The following MEF2C variants were observed in gnomAD, a reference collection of about 807,000 sequenced individuals.
MEF2C encodes myocyte enhancer factor 2C.
In MEF2C, 6 loss-of-function variants were observed where a neutral mutation model predicts 50.5. The ratio of observed to expected loss-of-function variants is 0.12; its 90% confidence interval spans 0.07 to 0.23. The LOEUF (loss-of-function observed/expected upper bound fraction) is 0.23. MEF2C is among the 10% of genes least tolerant of loss of function. The probability of loss-of-function intolerance (pLI) is 1.00; values close to 1 mark genes in which losing one functional copy is unlikely to be tolerated. For missense variants in MEF2C, 276 were observed against 605.0 expected, an observed-to-expected ratio of 0.46 and a Z score of 5.70; for synonymous variants, 183 against 228.0, an observed-to-expected ratio of 0.80 and a Z score of 1.78.
At position 88,722,710 on chromosome 5, in the gene MEF2C, T is replaced by G. The variant is rs1237249484; in HGVS notation, c.1316A>C (p.His439Pro). ...SSYDGSDRED[H>P]RNEFHSPIGL... ...AATGGGGGAGTGGAATTCGTTCCGG[T>G]GATCCTCTCGGTCGCTCCCGTCGTA... is the stretch of plus-strand genomic sequence containing the variant. Residue 439 changes from histidine (H) to proline (P), a missense_variant, in exon 11 of 11, where the codon CAC (histidine) becomes CCC (proline). By Grantham distance (77) the His-to-Pro change is moderately conservative (BLOSUM62 -2). Around this residue, in one of 2 missense-constraint regions of MEF2C, gnomAD observed 256 missense variants for 468.1 expected, o/e 0.55. Coordinates refer to ENST00000504921, the MANE Select transcript of MEF2C (RefSeq NM_002397.5). 3.1e-6 allele frequency: 5 copies of G among 1,613,936 alleles called. No homozygotes were observed. In the South Asian group the frequency reaches 5.5e-5, roughly 18 times the overall value.
intron 1 of MEF2C, among the ~76,000 whole-genome samples, chr5:88,858,762 T>A (rs1824411268): frequency 6.6e-6 from 1 of 152,234 alleles, no homozygotes; most frequent in Non-Finnish European, 1.5e-5. Flanking sequence ...TGATGCTTAT[T>A]ATACATCTGC....
intron 2 of MEF2C, among the ~76,000 whole-genome samples, chr5:88,805,763 C>G (rs928959018): frequency 6.7e-6 from 1 of 150,218 alleles, no homozygotes; most frequent in African/African-American, 2.5e-5. Context: ...AATTTCAACT[C>G]TCTTTTAATT....
intron 1 of MEF2C, chr5:88,825,490 T>C (rs1051653015): frequency 8.1e-5 from 80 of 983,936 alleles, no homozygotes; most frequent in Middle Eastern, 5.2e-4. Flanking sequence ...GCTGTAATTT[T>C]AAATGTTGGA....
intron 6 of MEF2C, chr5:88,736,104 G>A: frequency 1.0e-6 from 1 of 985,290 alleles, no homozygotes; most frequent in South Asian, 4.7e-5. Flanking sequence ...CATATCCAAT[G>A]AGATACCAAA....
At chr5:88,738,135 T>C (rs926428552) in intron 6 of MEF2C, 1 of 985,242 alleles carries the variant, frequency 1.0e-6, no homozygotes, top group African/African-American at 1.7e-5. Flanking sequence ...AATGTTTCTG[T>C]TAAGAGTTCT....
upstream of MEF2C, among the ~76,000 whole-genome samples, chr5:88,886,989 A>G (rs1458655086): frequency 6.6e-6 from 1 of 152,228 alleles, no homozygotes; most frequent in Non-Finnish European, 1.5e-5. Context: ...CGCTGGGTGT[A>G]GCTCTTGAAG....
At chr5:88,763,516 TTC>T (rs988310274) in intron 3 of MEF2C, among the ~76,000 whole-genome samples, 9 of 152,218 alleles carry the variant, frequency 5.9e-5, no homozygotes, top group African/African-American at 1.9e-4. Context: ...TAAGAATACT[TTC>T]TGATTGTTTT....
chr5:88,782,121 A>G (rs1326308587), intron 3 of MEF2C: 15 of 970,214 alleles, frequency 1.5e-5, no homozygotes, highest in African/African-American at 5.3e-5. Context: ...TTCTAAATTT[A>G]TAAGATTTTG....
intron 1 of MEF2C, among the ~76,000 whole-genome samples, chr5:88,860,377 A>G (rs1825085199): frequency 6.6e-6 from 1 of 151,574 alleles, no homozygotes; most frequent in Admixed American, 6.6e-5. Context: ...CTCAATTGCC[A>G]GGAAGCTGTG....
intron 6 of MEF2C, chr5:88,734,768 T>C: frequency 1.0e-6 from 1 of 981,690 alleles, no homozygotes; most frequent in Non-Finnish European, 1.2e-6. Context: ...TTAAAAGCCT[T>C]CTATTTTTCT....
chr5:88,879,078 A>G (rs1165546348), intron 1 of MEF2C, among the ~76,000 whole-genome samples: 1 of 152,046 alleles, frequency 6.6e-6, no homozygotes, highest in Non-Finnish European at 1.5e-5. Flanking sequence ...TGCACAGAAA[A>G]TTAAACACAT....
At chr5:88,798,404 A>C (rs1796902345) in intron 3 of MEF2C, among the ~76,000 whole-genome samples, 1 of 151,590 alleles carries the variant, frequency 6.6e-6, no homozygotes, top group South Asian at 2.1e-4. Context: ...TCAATCTCTT[A>C]TATCCTTTCT....
At chr5:88,856,354 AAC>A (rs1447959743) in intron 1 of MEF2C, among the ~76,000 whole-genome samples, 1 of 152,256 alleles carries the variant, frequency 6.6e-6, no homozygotes. Context: ...TTAAAAGGGA[AAC>A]ACAGCATAAA....
At chr5:88,766,255 C>T (rs923757413) in intron 3 of MEF2C, among the ~76,000 whole-genome samples, 1 of 152,044 alleles carries the variant, frequency 6.6e-6, no homozygotes, top group Non-Finnish European at 1.5e-5. Context: ...GATTCTATTT[C>T]GTTACTGAAA....
intron 6 of MEF2C, chr5:88,734,568 T>TTTTG (rs1763187436): frequency 2.8e-6 from 1 of 360,658 alleles, no homozygotes; most frequent in African/African-American, 3.9e-5. Context: ...AAAGTTTGTT[T>TTTTG]TTTTTTTTTT....
intron 3 of MEF2C, among the ~76,000 whole-genome samples, chr5:88,794,553 A>C (rs1272928494): frequency 1.3e-5 from 2 of 152,092 alleles, no homozygotes; most frequent in Admixed American, 6.6e-5. Flanking sequence ...CCTTTGTCAG[A>C]GGGATAGATT....
At chr5:88,797,454 CCTTTTT>C (rs1796484675) in intron 3 of MEF2C, among the ~76,000 whole-genome samples, 3 of 25,242 alleles carry the variant, frequency 1.2e-4, no homozygotes, top group Non-Finnish European at 1.9e-4. Context: ...GCAACCCTTG[CCTTTTT>C]TTTTTTTTTT....
At chr5:88,742,438 C>T (rs1767264510) in intron 6 of MEF2C, 8 of 981,656 alleles carry the variant, frequency 8.1e-6, no homozygotes, top group Non-Finnish European at 8.5e-6. Flanking sequence ...TCTTATCCTT[C>T]ACACTATTAG....
At chr5:88,754,311 T>G (rs984596957) in intron 4 of MEF2C, among the ~76,000 whole-genome samples, 1 of 152,242 alleles carries the variant, frequency 6.6e-6, no homozygotes, top group Non-Finnish European at 1.5e-5. Flanking sequence ...CTTGCTGTGA[T>G]CTGGTACTTT....
Sources: allele counts gnomAD v4.1 joint callset (sites outside exome capture counted in the v4.1 genomes callset), GRCh38; gene constraint gnomAD v4.1.1; regional missense constraint gnomAD v4.1.1; transcripts MANE v1.5; gene names NCBI Gene and HGNC (gene_info 2026-07-23, HGNC 2026-07-21).